ARHGEF7: variants seen among roughly 807,000 people sequenced by gnomAD.
ARHGEF7 encodes Rho guanine nucleotide exchange factor 7, also known as PAK-interacting exchange factor beta.
ARHGEF7 carries 33 observed loss-of-function variants against 109.8 expected under a neutral mutation model. The ratio of observed to expected loss-of-function variants is 0.30; its 90% CI spans 0.23 to 0.40. The LOEUF (loss-of-function observed/expected upper bound fraction) is 0.40. Among genes scored for constraint, ARHGEF7 ranks in the 10% least tolerant of loss-of-function variants. ARHGEF7 has a pLI of 1.00. For missense variants in ARHGEF7, 938 were observed against 1,098.5 expected (o/e 0.85, Z 2.07); for synonymous variants, 458 against 424.6 (o/e 1.08, Z -0.97).
At chr13:111,281,345 C>G (rs2092770966) in intron 15 of ARHGEF7, among the ~76,000 whole-genome samples, 1 of 152,078 alleles carries the variant, frequency 6.6e-6, no homozygotes, top group African/African-American at 2.4e-5. Flanking sequence ...CTGGGCAGAG[C>G]TTTTAAAGAA....
intron 8 of ARHGEF7, among the ~76,000 whole-genome samples, chr13:111,260,473 C>T (rs1259203766): frequency 4.6e-5 from 7 of 152,058 alleles, no homozygotes; most frequent in Admixed American, 2.6e-4. Context: ...ATTTAAATTG[C>T]TGAAAGCAAA....
At chr13:111,299,756 A>G (rs920451968) in intron 19 of ARHGEF7, among the ~76,000 whole-genome samples, 2 of 152,102 alleles carry the variant, frequency 1.3e-5, no homozygotes, top group African/African-American at 4.8e-5. Context: ...ACTTTTAGGA[A>G]CAAGCAAAAG....
intron 16 of ARHGEF7, among the ~76,000 whole-genome samples, chr13:111,283,605 T>C (rs940716645): frequency 2.0e-5 from 3 of 152,232 alleles, no homozygotes; most frequent in African/African-American, 7.2e-5. Flanking sequence ...GGGGGGCCTT[T>C]ACTGCACTTG....
At chr13:111,122,957 G>C (rs759844909) in intron 1 of ARHGEF7, among the ~76,000 whole-genome samples, 25 of 152,156 alleles carry the variant, frequency 1.6e-4, no homozygotes, top group Non-Finnish European at 2.9e-4. Flanking sequence ...GGCGGCCCTG[G>C]GATACTGTGT....
intron 19 of ARHGEF7, chr13:111,294,337 G>A (rs536877107): frequency 1.0e-6 from 1 of 985,458 alleles, no homozygotes; most frequent in African/African-American, 1.7e-5. Flanking sequence ...CTTCTCGTAG[G>A]CGTGGGTTGC....
intron 5 of ARHGEF7, among the ~76,000 whole-genome samples, chr13:111,218,226 T>G (rs1429755911): frequency 1.3e-5 from 2 of 151,930 alleles, no homozygotes; most frequent in Non-Finnish European, 2.9e-5. Context: ...CCGCAGGCTG[T>G]GTTTAATTTT....
chr13:111,233,706 A>C (rs1425174436), intron 6 of ARHGEF7, among the ~76,000 whole-genome samples: 1 of 152,166 alleles, frequency 6.6e-6, no homozygotes, highest in Non-Finnish European at 1.5e-5. Context: ...TTTTTCTCTT[A>C]ATATAGTGTT....
chr13:111,247,486 G>A (rs1448424722), intron 8 of ARHGEF7, among the ~76,000 whole-genome samples: 1 of 152,084 alleles, frequency 6.6e-6, no homozygotes, highest in African/African-American at 2.4e-5. Context: ...GGTCAGGCTG[G>A]TCATGAGCTC....
chr13:111,212,213 C>A (rs1481640559), intron 4 of ARHGEF7, among the ~76,000 whole-genome samples: 1 of 152,198 alleles, frequency 6.6e-6, no homozygotes, highest in African/African-American at 2.4e-5. Flanking sequence ...CTTTGCACTG[C>A]AGTGGAGGTT....
Position 111,305,495 on chromosome 13 carries a change from C to G in ARHGEF7, c.*2382C>G, listed in dbSNP as rs978495470. On this transcript the variant is annotated 3_prime_UTR_variant, in exon 22 of 22. Coordinates refer to ENST00000646102, the MANE Select transcript of ARHGEF7 (RefSeq NM_001354046.2). ...CATCAGAAGCTCGTTCCTTCACACT[C>G]AGTGGCGTCTGTGCTTGTCCACATG... 3.3e-5 allele frequency: 5 copies of G among 152,274 alleles called. No individual in the cohort carries two copies. Among genetic ancestry groups the G allele is most frequent in the Non-Finnish European group, 5.9e-5 (4 of 68,060 alleles). 9.4% of individuals were successfully genotyped at this position (152,274 alleles called of 1,614,324 possible).
intron 2 of ARHGEF7, among the ~76,000 whole-genome samples, chr13:111,166,414 C>T (rs1167551756): frequency 1.3e-5 from 2 of 152,112 alleles, no homozygotes; most frequent in Non-Finnish European, 2.9e-5. Flanking sequence ...TAAGTTTTAA[C>T]AGGATCATTT....
At chr13:111,302,866 C>A in intron 21 of ARHGEF7, 125 bp from the exon 22 acceptor site, 2 of 1,251,146 alleles carry the variant, frequency 1.6e-6, no homozygotes, top group South Asian at 2.9e-5. Flanking sequence ...CCTCAGAGCC[C>A]ATAGGCAGCT....
intron 2 of ARHGEF7, among the ~76,000 whole-genome samples, chr13:111,191,998 TA>T (rs1346617736): frequency 6.6e-6 from 1 of 152,210 alleles, no homozygotes; most frequent in Admixed American, 6.5e-5. Flanking sequence ...GGAGAGGTGT[TA>T]AAGATTATGT....
At chr13:111,240,077 C>T (rs914367084) in intron 6 of ARHGEF7, among the ~76,000 whole-genome samples, 5 of 152,102 alleles carry the variant, frequency 3.3e-5, no homozygotes, top group Admixed American at 2.6e-4. Context: ...AAAAGGGAAA[C>T]AGACCGATAG....
intron 2 of ARHGEF7, chr13:111,159,175 T>C: frequency 1.5e-6 from 1 of 676,764 alleles, no homozygotes; most frequent in Middle Eastern, 2.4e-4. Context: ...TAGCACAATG[T>C]TCTCCAGGTT....
chr13:111,141,112 T>C (rs2075324598), intron 1 of ARHGEF7, among the ~76,000 whole-genome samples: 1 of 152,216 alleles, frequency 6.6e-6, no homozygotes, highest in South Asian at 2.1e-4. Flanking sequence ...CCTACATTAG[T>C]ATGATGCACC....
At chr13:111,279,941 A>G (rs1254460494) in intron 13 of ARHGEF7, among the ~76,000 whole-genome samples, 3 of 152,182 alleles carry the variant, frequency 2.0e-5, no homozygotes, top group Non-Finnish European at 4.4e-5. Flanking sequence ...ACTGTTATAC[A>G]CGGTAGTTTT....
chr13:111,243,176 T>G (rs1427644554), intron 6 of ARHGEF7, among the ~76,000 whole-genome samples: 1 of 152,212 alleles, frequency 6.6e-6, no homozygotes, highest in African/African-American at 2.4e-5. Context: ...AGGGAAAGTC[T>G]GTAGTTCCCA....
At chr13:111,177,356 G>T (rs1321863421) in intron 2 of ARHGEF7, among the ~76,000 whole-genome samples, 1 of 152,224 alleles carries the variant, frequency 6.6e-6, no homozygotes, top group East Asian at 1.9e-4. Context: ...TCTCAAAGGA[G>T]TCCACATTCT....
Sources: allele counts gnomAD v4.1 joint callset (sites outside exome capture counted in the v4.1 genomes callset), GRCh38; gene constraint gnomAD v4.1.1; transcripts MANE v1.5; gene names NCBI Gene and HGNC (gene_info 2026-07-23, HGNC 2026-07-21).